Variants in ZFP1 observed in about 807,000 individuals in gnomAD.
ZFP1 encodes ZFP1 zinc finger protein, also known as zinc finger protein 1 homolog.
A neutral mutation model predicts 38.5 loss-of-function variants in ZFP1; 32 were observed. The ratio of observed to expected loss-of-function variants is 0.83; its 90% CI spans 0.63 to 1.12. The LOEUF (loss-of-function observed/expected upper bound fraction) is 1.12. ZFP1 is among the 50% of genes most tolerant of loss of function. The pLI, the probability that ZFP1 is intolerant of heterozygous loss-of-function variation, is 0.00. For missense variants in ZFP1, 616 were observed against 480.8 expected (o/e 1.28, Z -2.63); for synonymous variants, 245 against 168.8 (o/e 1.45, Z -3.50).
intron 3 of ZFP1, among the ~76,000 whole-genome samples, chr16:75,168,796 A>G (rs918402676): frequency 1.3e-5 from 2 of 152,190 alleles, no homozygotes; most frequent in Non-Finnish European, 2.9e-5. Context: ...TGGTTCTACC[A>G]TAGTAGTCCG....
chr16:75,167,273 C>T (rs1289403616), intron 3 of ZFP1, among the ~76,000 whole-genome samples: 5 of 152,152 alleles, frequency 3.3e-5, no homozygotes, highest in African/African-American at 7.2e-5. Flanking sequence ...CAGCTCAGTA[C>T]CTTTGAAATA....
At chr16:75,122,140 C>T in the ZFP1 span, among the ~76,000 whole-genome samples, 12 of 152,304 alleles carry the variant, frequency 7.9e-5, no homozygotes, top group South Asian at 2.1e-4. Flanking sequence ...AGGTGCCCCT[C>T]GCAGATGAAA....
At chr16:75,160,088 A>G (rs1453097768) in intron 2 of ZFP1, among the ~76,000 whole-genome samples, 2 of 152,202 alleles carry the variant, frequency 1.3e-5, no homozygotes, top group Non-Finnish European at 2.9e-5. Context: ...CCACCTACAC[A>G]TATTAGGAAC....
At chr16:75,120,489 G>A in the ZFP1 span, among the ~76,000 whole-genome samples, 1 of 148,672 alleles carries the variant, frequency 6.7e-6, no homozygotes, top group Admixed American at 6.7e-5. Flanking sequence ...CTTTTGTATT[G>A]TTGTTACCTG....
At chr16:75,137,414 C>T in the ZFP1 span, among the ~76,000 whole-genome samples, 1 of 150,754 alleles carries the variant, frequency 6.6e-6, no homozygotes, top group South Asian at 2.1e-4. Context: ...AAGTTCAAGA[C>T]CAGCATGGTC....
At chr16:75,151,582 A>G (rs996498914) in intron 1 of ZFP1, among the ~76,000 whole-genome samples, 13 of 152,188 alleles carry the variant, frequency 8.5e-5, no homozygotes, top group African/African-American at 2.7e-4. Context: ...TTTTATGTCA[A>G]TATACTTGGA....
chr16:75,168,030 C>T (rs995372680), intron 3 of ZFP1, among the ~76,000 whole-genome samples: 1 of 152,080 alleles, frequency 6.6e-6, no homozygotes, highest in Admixed American at 6.6e-5. Flanking sequence ...CATTATACTC[C>T]AGCCTGGGCA....
chr16:75,130,189 TG>T, the ZFP1 span, among the ~76,000 whole-genome samples: 158 of 152,116 alleles, frequency 1.0e-3, no homozygotes, highest in Middle Eastern at 6.8e-3. Context: ...TTAGTAGAGA[TG>T]GGGTTTCACC....
chr16:75,147,788 T>C (rs558747623), upstream of ZFP1, among the ~76,000 whole-genome samples: 1 of 152,246 alleles, frequency 6.6e-6, no homozygotes, highest in African/African-American at 2.4e-5. Context: ...AATGGGAAGA[T>C]GGTGGTCAAG....
intron 1 of ZFP1, among the ~76,000 whole-genome samples, chr16:75,150,884 G>T (rs2037166155): frequency 6.6e-6 from 1 of 152,170 alleles, no homozygotes; most frequent in African/African-American, 2.4e-5. Flanking sequence ...GAGTGCAGTG[G>T]TTCAGTCACA....
chr16:75,126,583 TA>T, the ZFP1 span, among the ~76,000 whole-genome samples: 576 of 152,312 alleles, frequency 3.8e-3, 3 homozygotes, highest in South Asian at 6.8e-3. Context: ...TTTGTATTTT[TA>T]GTAGAGATGG....
Position 75,152,832 on chromosome 16 carries a change from T to G in ZFP1, c.-43-77T>G, listed in dbSNP as rs1567523759. On this transcript the variant is annotated intron_variant, in intron 1 of 3. Transcript: ENST00000570010. ...TTTTCCCAGGTGGTCTCTAGGGGTT[T>G]CTAAACAAGTCATTCTAGGAGTTGT... is the stretch of plus-strand genomic sequence containing the variant. The G allele has an allele frequency of 4.3e-6, 6 of 1,410,688 alleles. No homozygotes were observed. In the Admixed American group the frequency reaches 1.2e-4, roughly 29 times the overall value. 87.4% of individuals were successfully genotyped at this position (1,410,688 alleles called of 1,614,324 possible). A position where few individuals can be genotyped will look rare whatever the true frequency, so the allele number is the denominator to read the frequency against.
At chr16:75,145,720 C>A (rs552046180), upstream of ZFP1, among the ~76,000 whole-genome samples, 14 of 152,312 alleles carry the variant, frequency 9.2e-5, no homozygotes, top group East Asian at 2.7e-3. Context: ...GGACGATTAT[C>A]TTCCCACGCC....
intron 1 of ZFP1, among the ~76,000 whole-genome samples, chr16:75,150,579 C>T (rs777940406): frequency 1.3e-4 from 20 of 151,962 alleles, no homozygotes; most frequent in African/African-American, 4.8e-4. Context: ...TACTGTGTTA[C>T]GAATTTCAAT....
intron 2 of ZFP1, among the ~76,000 whole-genome samples, chr16:75,161,363 C>T (rs1396015189): frequency 6.6e-6 from 1 of 152,078 alleles, no homozygotes; most frequent in Non-Finnish European, 1.5e-5. Flanking sequence ...GCCACTGCGC[C>T]CGGCCAACAA....
the ZFP1 span, among the ~76,000 whole-genome samples, chr16:75,131,111 C>T: frequency 3.4e-3 from 512 of 152,290 alleles, 2 homozygotes; most frequent in African/African-American, 0.012. Flanking sequence ...TCTTGACACA[C>T]GCTGTGCCCT....
chr16:75,140,733 G>A, the ZFP1 span, among the ~76,000 whole-genome samples: 5 of 152,350 alleles, frequency 3.3e-5, no homozygotes, highest in Middle Eastern at 6.8e-3. Flanking sequence ...GCCAAGGCGG[G>A]CGGATCACGA....
At chr16:75,127,036 G>A in the ZFP1 span, among the ~76,000 whole-genome samples, 1 of 152,100 alleles carries the variant, frequency 6.6e-6, no homozygotes, top group Admixed American at 6.6e-5. Context: ...TACATTATCA[G>A]TAATAACCAT....
At chr16:75,134,509 C>G in the ZFP1 span, among the ~76,000 whole-genome samples, 1 of 151,984 alleles carries the variant, frequency 6.6e-6, no homozygotes, top group African/African-American at 2.4e-5. Flanking sequence ...GTAATCCCGG[C>G]ACTTTGGGAG....
Sources: gnomAD v4.1 joint callset for allele counts (sites outside exome capture counted in the v4.1 genomes callset) on GRCh38, gnomAD v4.1.1 for gene constraint, MANE v1.5 for transcripts, NCBI Gene and HGNC (gene_info 2026-07-23, HGNC 2026-07-21) for gene names.